The following STPG2 variants were observed in gnomAD, a reference collection of about 807,000 sequenced individuals.
STPG2 encodes the protein sperm tail PG-rich repeat containing 2, also known as sperm-tail PG-rich repeat-containing protein 2.
Under a neutral mutation model 54.2 loss-of-function variants are expected in STPG2, and 56 were observed. The observed-to-expected ratio is 1.03, with a 90% CI of 0.83 to 1.29. The LOEUF is 1.29. Ranked by LOEUF, STPG2 falls within the 50% of genes most tolerant of loss-of-function variation. The probability of loss-of-function intolerance (pLI) is 0.00; values close to 1 mark genes in which losing one functional copy is unlikely to be tolerated. For synonymous variants in STPG2, 200 were observed against 181.8 expected, an observed-to-expected ratio of 1.10 and a Z score of -0.81; for missense variants, 596 against 544.9, an observed-to-expected ratio of 1.09 and a Z score of -0.93.
chr4:97,820,692 C>T (rs1560540986), intron 9 of STPG2, among the ~76,000 whole-genome samples: 1 of 152,252 alleles, frequency 6.6e-6, no homozygotes, highest in African/African-American at 2.4e-5. Flanking sequence ...CTGACATCTG[C>T]TTCAATGTGG....
intron 10 of STPG2, among the ~76,000 whole-genome samples, chr4:97,662,691 C>T (rs1265039962): frequency 3.9e-5 from 6 of 152,018 alleles, no homozygotes; most frequent in African/African-American, 1.4e-4. Context: ...GCAGGAACAG[C>T]AAACTAAATA....
At chr4:97,572,347 G>A (rs1394020817) in intron 10 of STPG2, among the ~76,000 whole-genome samples, 1 of 152,062 alleles carries the variant, frequency 6.6e-6, no homozygotes, top group Admixed American at 6.6e-5. Context: ...ACTCATTCCT[G>A]TCATCATAGA....
chr4:97,890,870 G>T (rs530063807), intron 8 of STPG2, among the ~76,000 whole-genome samples: 1 of 151,652 alleles, frequency 6.6e-6, no homozygotes. Flanking sequence ...ATATACATCA[G>T]CACATGTACA....
At chr4:97,553,807 A>G (rs1461752342) in intron 4 of STPG2, among the ~76,000 whole-genome samples, 1 of 152,170 alleles carries the variant, frequency 6.6e-6, no homozygotes, top group Non-Finnish European at 1.5e-5. Context: ...TGGACTATTC[A>G]ATCTTTGGAT....
At chr4:98,125,666 T>G (rs1367771224) in intron 3 of STPG2, among the ~76,000 whole-genome samples, 1 of 152,180 alleles carries the variant, frequency 6.6e-6, no homozygotes, top group Non-Finnish European at 1.5e-5. Context: ...GGGACCTGCT[T>G]AAAGAAGCAG....
At chr4:97,795,539 G>C (rs1163387128) in intron 9 of STPG2, among the ~76,000 whole-genome samples, 3 of 152,224 alleles carry the variant, frequency 2.0e-5, no homozygotes, top group African/African-American at 7.2e-5. Flanking sequence ...TCTTTTTTAT[G>C]GCAGCATAGT....
intron 10 of STPG2, among the ~76,000 whole-genome samples, chr4:97,638,202 T>C (rs1275194557): frequency 1.3e-5 from 2 of 152,070 alleles, no homozygotes; most frequent in Non-Finnish European, 2.9e-5. Flanking sequence ...TATCTACAAC[T>C]ATCTGATCTT....
chr4:97,960,172 A>G (rs1733833910), intron 7 of STPG2, among the ~76,000 whole-genome samples: 2 of 152,182 alleles, frequency 1.3e-5, no homozygotes, highest in South Asian at 4.1e-4. Context: ...AATTCTCATC[A>G]AAATCAGCAT....
intron 8 of STPG2, among the ~76,000 whole-genome samples, chr4:97,878,559 G>A (rs1730260169): frequency 6.6e-6 from 1 of 152,200 alleles, no homozygotes; most frequent in African/African-American, 2.4e-5. Flanking sequence ...AGCCCAAGCT[G>A]TACCTTGCTC....
At chr4:97,562,201 C>A (rs1465111001) in intron 10 of STPG2, among the ~76,000 whole-genome samples, 2 of 152,100 alleles carry the variant, frequency 1.3e-5, no homozygotes, top group East Asian at 1.9e-4. Context: ...CTCTTTGAAG[C>A]AATTGTGAAT....
chr4:97,559,285 C>T (rs905002844), intron 10 of STPG2, among the ~76,000 whole-genome samples, 168 bp from the exon 11 acceptor site: 4 of 152,060 alleles, frequency 2.6e-5, no homozygotes, highest in South Asian at 2.1e-4. Context: ...TTTATTACTT[C>T]GTTCAAAAAT....
At chr4:97,985,190 C>T (rs911108490) in intron 5 of STPG2, among the ~76,000 whole-genome samples, 1 of 151,954 alleles carries the variant, frequency 6.6e-6, no homozygotes, top group Non-Finnish European at 1.5e-5. Context: ...ATTTTAGATG[C>T]TAAGTATAAT....
intron 4 of STPG2, among the ~76,000 whole-genome samples, chr4:97,551,623 T>C (rs1442712035): frequency 6.6e-6 from 1 of 152,272 alleles, no homozygotes; most frequent in Non-Finnish European, 1.5e-5. Flanking sequence ...TTTTCATCTC[T>C]ATTGAATATC....
At chr4:97,732,995 A>G (rs1474405536) in intron 9 of STPG2, among the ~76,000 whole-genome samples, 2 of 152,198 alleles carry the variant, frequency 1.3e-5, no homozygotes, top group African/African-American at 4.8e-5. Flanking sequence ...TTGGGAATGT[A>G]AATTAGTACA....
intron 10 of STPG2, among the ~76,000 whole-genome samples, chr4:97,638,691 A>C (rs1721651658): frequency 6.9e-6 from 1 of 145,850 alleles, no homozygotes; most frequent in African/African-American, 2.7e-5. Context: ...GAAGGACATG[A>C]ACAGACACTT....
At chr4:98,139,049 GTTTGC>G (rs1216002527) in intron 1 of STPG2, among the ~76,000 whole-genome samples, 2 of 152,100 alleles carry the variant, frequency 1.3e-5, no homozygotes, top group African/African-American at 4.8e-5. Context: ...AATAAGAGAT[GTTTGC>G]TTCTCAGGTA....
At chr4:97,836,883 T>G (rs971147738) in intron 9 of STPG2, among the ~76,000 whole-genome samples, 3 of 149,402 alleles carry the variant, frequency 2.0e-5, no homozygotes, top group African/African-American at 7.3e-5. Context: ...AAATTAATAT[T>G]TAGTTAATAA....
intron 5 of STPG2, among the ~76,000 whole-genome samples, chr4:97,990,714 G>A (rs952799904): frequency 1.3e-5 from 2 of 152,078 alleles, no homozygotes; most frequent in African/African-American, 4.8e-5. Flanking sequence ...TACTGCCGTG[G>A]AAACAAAGCT....
intron 10 of STPG2, among the ~76,000 whole-genome samples, chr4:97,585,101 CAAAAAAAAAAAAA>C (rs60854805): frequency 2.9e-3 from 136 of 46,266 alleles, no homozygotes; most frequent in South Asian, 0.012. Flanking sequence ...AAAATATTCT[CAAAAAAAAAAAAA>C]AAAAAAAAAA....
Sources: allele counts gnomAD v4.1 joint callset (sites outside exome capture counted in the v4.1 genomes callset), GRCh38; gene constraint gnomAD v4.1.1; transcripts MANE v1.5; gene names NCBI Gene and HGNC (gene_info 2026-07-23, HGNC 2026-07-21).